The following RAD51B variants were observed in gnomAD, a reference collection of about 807,000 sequenced individuals.
RAD51B encodes RAD51 paralog B.
A neutral mutation model predicts 42.2 loss-of-function variants in RAD51B; 38 were observed. The ratio of observed to expected loss-of-function variants is 0.90; its 90% CI spans 0.70 to 1.18. RAD51B has a LOEUF of 1.18. RAD51B is among the 50% of genes most tolerant of loss of function. The pLI, the probability that RAD51B is intolerant of heterozygous loss-of-function variation, is 0.00. For synonymous variants in RAD51B, 154 were observed against 145.2 expected (o/e 1.06, Z -0.43); for missense variants, 373 against 400.7 (o/e 0.93, Z 0.59).
At chr14:68,326,636 C>T (rs1217033824) in intron 8 of RAD51B, among the ~76,000 whole-genome samples, 2 of 152,194 alleles carry the variant, frequency 1.3e-5, no homozygotes, top group African/African-American at 4.8e-5. Context: ...CCACACTCAA[C>T]TCTAATACAA....
intron 7 of RAD51B, among the ~76,000 whole-genome samples, chr14:68,235,500 C>T (rs1000356595): frequency 5.3e-5 from 8 of 151,116 alleles, no homozygotes; most frequent in Admixed American, 4.6e-4. Context: ...GTCAGGAGAT[C>T]GAGACCATCC....
At chr14:68,337,825 G>A (rs904133607) in intron 8 of RAD51B, among the ~76,000 whole-genome samples, 6 of 152,136 alleles carry the variant, frequency 3.9e-5, no homozygotes, top group Non-Finnish European at 8.8e-5. Context: ...AGGCTGGAGT[G>A]CAGTGACATG....
chr14:68,456,251 G>A (rs888002975), intron 9 of RAD51B, among the ~76,000 whole-genome samples: 51 of 152,262 alleles, frequency 3.3e-4, no homozygotes, highest in African/African-American at 7.5e-4. Flanking sequence ...TACATTAAAC[G>A]TGAGTTGATT....
chr14:68,538,703 A>G (rs1887785632), intron 10 of RAD51B, among the ~76,000 whole-genome samples: 1 of 151,958 alleles, frequency 6.6e-6, no homozygotes, highest in South Asian at 2.1e-4. Context: ...GAATAAGAAT[A>G]GAGATTTCTG....
At chr14:68,422,486 G>A (rs2084729597) in intron 9 of RAD51B, among the ~76,000 whole-genome samples, 1 of 150,638 alleles carries the variant, frequency 6.6e-6, no homozygotes, top group African/African-American at 2.4e-5. Context: ...CTTGAACCCG[G>A]GAGGTGGAAG....
intron 7 of RAD51B, among the ~76,000 whole-genome samples, chr14:68,269,889 A>G (rs183876933): frequency 1.8e-3 from 275 of 152,334 alleles, no homozygotes; most frequent in Non-Finnish European, 3.0e-3. Context: ...GCTGTTGTCC[A>G]GTAGTGGAAC....
intron 8 of RAD51B, among the ~76,000 whole-genome samples, chr14:68,354,192 T>C (rs913480460): frequency 6.6e-6 from 1 of 150,682 alleles, no homozygotes; most frequent in African/African-American, 2.4e-5. Context: ...CTTCCAATAA[T>C]GTTTTTTGGT....
intron 7 of RAD51B, among the ~76,000 whole-genome samples, chr14:68,217,492 G>C (rs1438225087): frequency 6.6e-6 from 1 of 152,128 alleles, no homozygotes; most frequent in African/African-American, 2.4e-5. Context: ...CATGGTCCAG[G>C]GGAAGTGGGT....
intron 8 of RAD51B, among the ~76,000 whole-genome samples, chr14:68,324,968 CA>C (rs2082222487): frequency 6.6e-6 from 1 of 152,230 alleles, no homozygotes; most frequent in Non-Finnish European, 1.5e-5. Flanking sequence ...GAGTCTCCCA[CA>C]GCAACTAACA....
At chr14:67,825,167 T>C (rs1480892483) in intron 2 of RAD51B, among the ~76,000 whole-genome samples, 2 of 151,698 alleles carry the variant, frequency 1.3e-5, no homozygotes, top group Non-Finnish European at 2.9e-5. Context: ...AAATTCTTTT[T>C]GGCACAAGTG....
At chr14:68,636,843 G>C (rs4902621) in intron 10 of RAD51B, among the ~76,000 whole-genome samples, 21,432 of 152,152 alleles carry the variant, frequency 0.14, 1,684 homozygotes, top group South Asian at 0.19. Context: ...GCAGGAGGAC[G>C]GCGGCCCCAA....
chr14:68,501,827 G>T (rs1247259925), intron 10 of RAD51B, among the ~76,000 whole-genome samples: 1 of 152,286 alleles, frequency 6.6e-6, no homozygotes, highest in Admixed American at 6.5e-5. Context: ...CACAGGCATG[G>T]GGTGGGCTGT....
At chr14:68,489,238 C>G (rs1883886493) in intron 10 of RAD51B, among the ~76,000 whole-genome samples, 1 of 152,014 alleles carries the variant, frequency 6.6e-6, no homozygotes, top group Non-Finnish European at 1.5e-5. Flanking sequence ...TGCCAGATTT[C>G]AACTCTTGGG....
At chr14:68,230,011 A>T (rs2080115978) in intron 7 of RAD51B, among the ~76,000 whole-genome samples, 1 of 152,194 alleles carries the variant, frequency 6.6e-6, no homozygotes, top group Non-Finnish European at 1.5e-5. Flanking sequence ...CATTTCTAGC[A>T]TGTCACTGAA....
intron 8 of RAD51B, among the ~76,000 whole-genome samples, chr14:68,342,744 T>C (rs2082596859): frequency 6.6e-6 from 1 of 152,214 alleles, no homozygotes; most frequent in South Asian, 2.1e-4. Flanking sequence ...GAGCAGATCA[T>C]TTGGTAACTG....
intron 7 of RAD51B, among the ~76,000 whole-genome samples, chr14:68,272,495 ATACCTTAGGGCTT>A: frequency 6.6e-6 from 1 of 151,080 alleles, no homozygotes; most frequent in African/African-American, 2.4e-5. Context: ...GAATGATCCT[ATACCTTAGGGCTT>A]TGTGAAGATT....
At chr14:68,539,364 G>GA (rs1156318005) in intron 10 of RAD51B, among the ~76,000 whole-genome samples, 2 of 152,062 alleles carry the variant, frequency 1.3e-5, no homozygotes. Flanking sequence ...TTCTGCCCCA[G>GA]AAAAGCCCCC....
chr14:67,981,074 G>A (rs1032998967), intron 7 of RAD51B, among the ~76,000 whole-genome samples: 4 of 152,216 alleles, frequency 2.6e-5, no homozygotes. Context: ...ATCGGATAGA[G>A]TATGGTGGAT....
chr14:67,915,320 T>TGTA (rs2044115913), intron 7 of RAD51B, among the ~76,000 whole-genome samples: 2 of 152,250 alleles, frequency 1.3e-5, no homozygotes, highest in Admixed American at 1.3e-4. Flanking sequence ...AACTGTCTAC[T>TGTA]GTAATACCTG....
Sources: allele counts gnomAD v4.1 joint callset (sites outside exome capture counted in the v4.1 genomes callset), GRCh38; gene constraint gnomAD v4.1.1; transcripts MANE v1.5; gene names NCBI Gene and HGNC (gene_info 2026-07-23, HGNC 2026-07-21).